Variants in HIF1A observed in about 807,000 individuals in gnomAD.
HIF1A encodes the protein hypoxia inducible factor 1 subunit alpha.
HIF1A carries 24 observed loss-of-function variants against 92.7 expected under a neutral mutation model. The observed-to-expected ratio is 0.26, with a 90% CI of 0.19 to 0.36. HIF1A has a LOEUF of 0.36. Ranked by LOEUF, HIF1A falls within the 10% of genes least tolerant of loss-of-function variation. The pLI is 1.00. For synonymous variants in HIF1A, 319 were observed against 338.7 expected, an observed-to-expected ratio of 0.94 and a Z score of 0.64; for missense variants, 799 against 998.5, an observed-to-expected ratio of 0.80 and a Z score of 2.69.
chr14:61,712,338 G>C (rs889312038), intron 1 of HIF1A, among the ~76,000 whole-genome samples: 3 of 151,940 alleles, frequency 2.0e-5, no homozygotes, highest in Non-Finnish European at 4.4e-5. Context: ...ATGAGCAAAG[G>C]GGGCAAAGTG....
chr14:61,740,695 C>T lies in HIF1A; in HGVS notation c.1660-60C>T, dbSNP rs952337711. 4.5e-6 allele frequency: 7 copies of T among 1,545,606 alleles called. No homozygotes were observed. In the Admixed American group the frequency reaches 1.2e-4, roughly 27 times the overall value. ...TAGTCTGAAGTGACTTTGAGTTTCA[C>T]TTGTTTTTTATTTATAAGGTGTGGC... On this transcript the variant is annotated intron_variant, in intron 11 of 14. Coordinates refer to ENST00000337138, the MANE Select transcript of HIF1A (RefSeq NM_001530.4).
At chr14:61,743,635 A>G (rs916099440) in intron 12 of HIF1A, among the ~76,000 whole-genome samples, 1 of 152,168 alleles carries the variant, frequency 6.6e-6, no homozygotes, top group Non-Finnish European at 1.5e-5. Context: ...TCACTTACCT[A>G]TTTGGCATTC....
At chr14:61,706,651 T>C (rs2044242084) in intron 1 of HIF1A, among the ~76,000 whole-genome samples, 1 of 152,212 alleles carries the variant, frequency 6.6e-6, no homozygotes, top group South Asian at 2.1e-4. Flanking sequence ...CAAACTTCTG[T>C]GGTTAAATCA....
In HIF1A at chr14:61,721,033, A is replaced by T. The variant is rs576781872; in HGVS notation, c.226+461A>T. Among the ~76,000 whole-genome samples, 102 of 152,128 alleles carry T rather than the reference A, an allele frequency of 6.7e-4. 1 individual carries two copies. Among genetic ancestry groups the T allele is most frequent in the Middle Eastern group, 6.8e-3 (2 of 294 alleles). On this transcript the variant is annotated intron_variant, in intron 2 of 14. Transcript: ENST00000337138. ...GAGGCGGGTGGATCATGAGGTCAGG[A>T]GTTCAAGACCAGCCTGGCCAAGATG...
chr14:61,696,141 C>CA (rs980848434), intron 1 of HIF1A, among the ~76,000 whole-genome samples: 12 of 152,256 alleles, frequency 7.9e-5, no homozygotes, highest in African/African-American at 2.9e-4. Flanking sequence ...CTACCCGCCT[C>CA]AAAAACCCAG....
rs540238472 is a variant in HIF1A, at chr14:61,695,593, G to A, written c.-212G>A. On this transcript the variant is annotated 5_prime_UTR_variant, in exon 1 of 15. Coordinates refer to ENST00000337138, the MANE Select transcript of HIF1A (RefSeq NM_001530.4). The stretch of plus-strand genomic sequence containing the variant: ...CGGCCAGTGTGTCGGGCTGGGCCCT[G>A]ACAAGCCACCTGAGGAGAGGCTCGG... 18 of 600,078 alleles carry A rather than the reference G, an allele frequency of 3.0e-5. No homozygotes were observed. The East Asian group carries it at 4.3e-4, about 14-fold the overall frequency. 37.2% of individuals were successfully genotyped at this position (600,078 alleles called of 1,614,324 possible). A position where few individuals can be genotyped will look rare whatever the true frequency, so the allele number is the denominator to read the frequency against.
intron 1 of HIF1A, among the ~76,000 whole-genome samples, chr14:61,714,370 T>C (rs934353733): frequency 1.4e-4 from 21 of 152,240 alleles, no homozygotes; most frequent in African/African-American, 4.8e-5. Context: ...TTTTTGTTTA[T>C]TCGTTTGCTG....
intron 12 of HIF1A, among the ~76,000 whole-genome samples, chr14:61,742,833 C>A (rs549101903): frequency 3.2e-5 from 4 of 126,620 alleles, no homozygotes; most frequent in African/African-American, 1.2e-4. Context: ...TGCAGTGAGC[C>A]GAGATCGTGC....
At chr14:61,730,326 T>G (rs1229330086) in intron 6 of HIF1A, among the ~76,000 whole-genome samples, 2 of 152,158 alleles carry the variant, frequency 1.3e-5, no homozygotes, top group Admixed American at 6.5e-5. Flanking sequence ...CATATACAGT[T>G]TATATTTTTG....
intron 12 of HIF1A, among the ~76,000 whole-genome samples, chr14:61,742,146 G>C (rs1483203947): frequency 6.6e-6 from 1 of 152,140 alleles, no homozygotes; most frequent in Non-Finnish European, 1.5e-5. Context: ...ACAAACATAT[G>C]GACATGACCC....
chr14:61,747,048 G>A lies in HIF1A; in HGVS notation c.2444G>A (p.Gly815Asp). ...PIQGSRNLLQ[G>D]EELLRALDQV... ...CAAGGCAGCAGAAACCTACTGCAGG[G>A]TGAAGAATTACTCAGAGCTTTGGAT... The change falls in exon 15 of 15, where the codon GGT becomes GAT. Residue 815 changes from glycine to aspartate, a missense_variant. By Grantham distance (94) the Gly-to-Asp change is moderately conservative. This residue lies in a region of HIF1A where 283 missense variants were observed against 277.5 expected (regional missense o/e 1.02). Transcript: ENST00000337138. 6.2e-7 allele frequency: 1 copy of A among 1,612,880 alleles called. No individual in the cohort carries two copies. Among genetic ancestry groups the A allele is most frequent in the Non-Finnish European group, 8.5e-7 (1 of 1,179,680 alleles).
intron 4 of HIF1A, among the ~76,000 whole-genome samples, chr14:61,724,117 GTTTGTTT>G (rs1360837279): frequency 6.7e-6 from 1 of 149,246 alleles, no homozygotes; most frequent in Non-Finnish European, 1.5e-5. Context: ...GTTTTTGTTT[GTTTGTTT>G]TTTGTTTTTT....
intron 1 of HIF1A, chr14:61,697,542 T>C (rs2044130671): frequency 3.9e-6 from 1 of 253,652 alleles, no homozygotes; most frequent in African/African-American, 2.3e-5. Context: ...AATTAATAAA[T>C]TAGCTACTGT....
rs376192731 is a variant in HIF1A, at chr14:61,720,907, C to T, written c.226+335C>T. 3.9e-5 allele frequency among the ~76,000 whole-genome samples: 6 copies of T among 152,042 alleles called. No individual in the cohort carries two copies. In the South Asian group the frequency reaches 8.3e-4, roughly 21 times the overall value. ...GAATAAGATACTGGCTTTTCCCCTC[C>T]CCCCTTTTTCTCCTGTTCCATCTAC... On this transcript the variant is annotated intron_variant, in intron 2 of 14. Coordinates refer to ENST00000337138, the MANE Select transcript of HIF1A (RefSeq NM_001530.4).
intron 1 of HIF1A, among the ~76,000 whole-genome samples, chr14:61,706,386 G>A (rs959950471): frequency 3.3e-5 from 5 of 152,132 alleles, no homozygotes; most frequent in African/African-American, 4.8e-5. Flanking sequence ...GCACTTACGT[G>A]TTTAAGGCAA....
intron 4 of HIF1A, 119 bp from the exon 5 acceptor site, chr14:61,726,587 A>G: frequency 1.7e-6 from 1 of 589,794 alleles, no homozygotes; most frequent in Non-Finnish European, 3.0e-6. Context: ...TACTGTGTTC[A>G]TGCTGAGACT....
At chr14:61,730,735 A>AT (rs1412628302) in intron 6 of HIF1A, among the ~76,000 whole-genome samples, 5 of 152,184 alleles carry the variant, frequency 3.3e-5, no homozygotes, top group Non-Finnish European at 7.4e-5. Flanking sequence ...CTACTGGAAG[A>AT]TTAGCCACGT....
At chr14:61,696,983 CA>C (rs1409958274) in intron 1 of HIF1A, among the ~76,000 whole-genome samples, 1 of 152,202 alleles carries the variant, frequency 6.6e-6, no homozygotes, top group African/African-American at 2.4e-5. Flanking sequence ...AACACACACA[CA>C]ATTTTGCCCA....
intron 1 of HIF1A, among the ~76,000 whole-genome samples, chr14:61,698,705 T>G (rs1228770280): frequency 2.6e-5 from 4 of 152,178 alleles, no homozygotes; most frequent in African/African-American, 7.2e-5. Flanking sequence ...CCTGTTACAA[T>G]GGGCAAAAGA....
Sources: gnomAD v4.1 joint callset for allele counts (sites outside exome capture counted in the v4.1 genomes callset) on GRCh38, gnomAD v4.1.1 for gene constraint, gnomAD v4.1.1 regional missense constraint, MANE v1.5 for transcripts, NCBI Gene and HGNC (gene_info 2026-07-23, HGNC 2026-07-21) for gene names.